Variants in VPS50 observed in about 807,000 individuals in gnomAD.
VPS50 encodes VPS50 subunit of EARP/GARPII complex.
VPS50 carries 70 observed loss-of-function variants against 139.7 expected under a neutral mutation model. That is an observed-to-expected ratio of 0.50 (90% CI 0.41 to 0.61). VPS50 has a LOEUF of 0.61. Ranked by LOEUF, VPS50 falls within the 20% of genes least tolerant of loss-of-function variation. The pLI, the probability that VPS50 is intolerant of heterozygous loss-of-function variation, is 0.00. For missense variants in VPS50, 921 were observed against 1,133.7 expected, an observed-to-expected ratio of 0.81 and a Z score of 2.69; for synonymous variants, 365 against 376.7, an observed-to-expected ratio of 0.97 and a Z score of 0.36.
intron 23 of VPS50, among the ~76,000 whole-genome samples, chr7:93,343,324 G>A (rs1452690602): frequency 1.3e-5 from 2 of 152,184 alleles, no homozygotes; most frequent in East Asian, 1.9e-4. Context: ...CAAGAAATAT[G>A]GGACTATGTG....
At chr7:93,331,617 T>C (rs1203950628) in intron 21 of VPS50, among the ~76,000 whole-genome samples, 2 of 152,124 alleles carry the variant, frequency 1.3e-5, no homozygotes, top group Non-Finnish European at 2.9e-5. Flanking sequence ...CTAAAGAAGT[T>C]CCAAAACTAT....
At chr7:93,325,524 T>C (rs1423861634) in intron 21 of VPS50, among the ~76,000 whole-genome samples, 3 of 151,566 alleles carry the variant, frequency 2.0e-5, no homozygotes, top group Non-Finnish European at 2.9e-5. Flanking sequence ...ACCTACAAAA[T>C]GGGAGAAAAT....
At chr7:93,322,488 T>A (rs938224814) in intron 20 of VPS50, among the ~76,000 whole-genome samples, 62 of 149,852 alleles carry the variant, frequency 4.1e-4, no homozygotes, top group Admixed American at 6.7e-4. Flanking sequence ...TAGTCCCAGC[T>A]ACTCGGGAGG....
At chr7:93,299,100 C>T (rs1009487958) in intron 16 of VPS50, among the ~76,000 whole-genome samples, 2 of 152,084 alleles carry the variant, frequency 1.3e-5, no homozygotes, top group African/African-American at 4.8e-5. Flanking sequence ...TTCTTTTTCC[C>T]TAGTATTTAA....
intron 23 of VPS50, 43 bp from the exon 24 acceptor site, chr7:93,348,668 C>T (rs767554250): frequency 1.6e-6 from 2 of 1,248,806 alleles, no homozygotes; most frequent in Non-Finnish European, 2.3e-6. Context: ...GGCTCTAAAT[C>T]CTACACAATT....
At chr7:93,259,994 T>C (rs1229836201) in intron 9 of VPS50, among the ~76,000 whole-genome samples, 1 of 152,192 alleles carries the variant, frequency 6.6e-6, no homozygotes, top group Non-Finnish European at 1.5e-5. Context: ...ATATTGAGGA[T>C]ATTATTGCAG....
intron 9 of VPS50, among the ~76,000 whole-genome samples, chr7:93,269,906 G>A (rs560191965): frequency 6.6e-6 from 1 of 152,116 alleles, no homozygotes; most frequent in South Asian, 2.1e-4. Context: ...TGGCTGCTAG[G>A]AATTTGAGAG....
At chr7:93,333,276 C>G (rs1376874151) in intron 21 of VPS50, among the ~76,000 whole-genome samples, 1 of 152,042 alleles carries the variant, frequency 6.6e-6, no homozygotes, top group Non-Finnish European at 1.5e-5. Context: ...ATTCTTGTAT[C>G]TCAAATGGGA....
chr7:93,356,365 CTG>C (rs1362178391), intron 27 of VPS50, among the ~76,000 whole-genome samples: 2 of 152,062 alleles, frequency 1.3e-5, no homozygotes, highest in Admixed American at 6.6e-5. Flanking sequence ...TTTCCTGCAA[CTG>C]TGTTATAGGA....
At position 93,351,119 on chromosome 7, in the gene VPS50, T is replaced by C. The variant is rs2117086612; in HGVS notation, c.2463+1086T>C. On this transcript the variant is annotated intron_variant, in intron 25 of 27. Transcript: ENST00000305866. Reference sequence around the variant, plus strand: ...GCCTAGGTTGAAGACTGTGAGGCTGTCTCCAGACTCCGGGACTAATTGTGC... The same window carrying C: ...GCCTAGGTTGAAGACTGTGAGGCTGCCTCCAGACTCCGGGACTAATTGTGC... Among the ~76,000 whole-genome samples the C allele has an allele frequency of 2.0e-5, 3 of 152,252 alleles. No individual in the cohort carries two copies. The South Asian group carries it at 6.2e-4, about 32-fold the overall frequency.
chr7:93,330,786 A>G (rs1223789253), intron 21 of VPS50, among the ~76,000 whole-genome samples: 2 of 130,192 alleles, frequency 1.5e-5, no homozygotes, highest in Admixed American at 7.7e-5. Flanking sequence ...AAAAAAACCC[A>G]AACAATTGTG....
At chr7:93,278,590 C>CAAA (rs11445569) in intron 12 of VPS50, among the ~76,000 whole-genome samples, 11 of 67,936 alleles carry the variant, frequency 1.6e-4, no homozygotes, top group South Asian at 5.6e-4. Flanking sequence ...GACTCTGTCT[C>CAAA]AAAAAAAAAA....
intron 2 of VPS50, among the ~76,000 whole-genome samples, chr7:93,250,572 A>T (rs2116814437): frequency 6.6e-6 from 1 of 152,308 alleles, no homozygotes; most frequent in East Asian, 1.9e-4. Context: ...TAAATGTAAG[A>T]CCTAAAACTA....
chr7:93,321,326 C>T (rs1018980004), intron 20 of VPS50, among the ~76,000 whole-genome samples: 16 of 152,154 alleles, frequency 1.1e-4, no homozygotes, highest in Non-Finnish European at 5.9e-5. Context: ...GGAATTAATT[C>T]ATTGTAATGT....
chr7:93,349,840 A>C (rs780135649), intron 24 of VPS50, 35 bp from the exon 25 acceptor site: 5 of 1,569,974 alleles, frequency 3.2e-6, no homozygotes, highest in Non-Finnish European at 4.4e-6. Context: ...ACTTTTAGAA[A>C]ATAATTGTTT....
At chr7:93,246,674 C>T (rs952766879) in intron 2 of VPS50, among the ~76,000 whole-genome samples, 1 of 151,504 alleles carries the variant, frequency 6.6e-6, no homozygotes, top group Non-Finnish European at 1.5e-5. Context: ...AATTAAGAGC[C>T]CTGAATTTGG....
chr7:93,261,843 G>T (rs1795694721), intron 9 of VPS50, among the ~76,000 whole-genome samples: 1 of 152,132 alleles, frequency 6.6e-6, no homozygotes, highest in Non-Finnish European at 1.5e-5. Flanking sequence ...TTGTGAATAG[G>T]AAACTGTCTA....
intron 23 of VPS50, among the ~76,000 whole-genome samples, chr7:93,345,340 G>C (rs1422966553): frequency 1.3e-5 from 2 of 152,068 alleles, no homozygotes; most frequent in Admixed American, 1.3e-4. Context: ...ATAATCAATA[G>C]CTTACCAACG....
Position 93,252,725 on chromosome 7 carries a change from C to A in VPS50, c.175C>A (p.Gln59Lys). The change falls in exon 3 of 28, where the codon CAA becomes AAA. Residue 59 changes from glutamine (Q) to lysine (K), a missense_variant. By Grantham distance (53) the Gln-to-Lys change is moderately conservative. This residue lies in a region of VPS50 where 744 missense variants were observed against 930.6 expected (regional missense o/e 0.80). Coordinates refer to ENST00000305866, the MANE Select transcript of VPS50 (RefSeq NM_017667.4). ...AEQELINSIE[Q>K]VYFSVDSFDI... ...ACAAGAGCTTATTAATAGTATTGAACAAGTATATTTTTCTGTGGATTCATT... is the reference window on the plus strand; with the variant it reads ...ACAAGAGCTTATTAATAGTATTGAAAAAGTATATTTTTCTGTGGATTCATT... 6.3e-7 allele frequency: 1 copy of A among 1,584,922 alleles called. No individual in the cohort carries two copies. The highest frequency in any genetic ancestry group is 8.6e-7 in the Non-Finnish European group (1 of 1,157,820).
Sources: allele counts gnomAD v4.1 joint callset (sites outside exome capture counted in the v4.1 genomes callset), GRCh38; gene constraint gnomAD v4.1.1; regional missense constraint gnomAD v4.1.1; transcripts MANE v1.5; gene names NCBI Gene and HGNC (gene_info 2026-07-23, HGNC 2026-07-21).